SMARCA5: variants seen among roughly 807,000 people sequenced by gnomAD.
SMARCA5 encodes the protein SNF2 related chromatin remodeling ATPase 5, also known as SWI/SNF-related matrix-associated actin-dependent regulator of chromatin subfamily A member 5.
In SMARCA5, 18 loss-of-function variants were observed where a neutral mutation model predicts 140.4. The observed-to-expected ratio is 0.13, with a 90% confidence interval of 0.09 to 0.19. SMARCA5 has a LOEUF of 0.19. Among genes scored for constraint, SMARCA5 ranks in the 10% least tolerant of loss-of-function variants. SMARCA5 has a pLI of 1.00. For synonymous variants in SMARCA5, 449 were observed against 419.6 expected, an observed-to-expected ratio of 1.07 and a Z score of -0.86; for missense variants, 606 against 1,276.8, an observed-to-expected ratio of 0.47 and a Z score of 8.01.
chr4:143,549,461 A>G (rs1327109172), intron 22 of SMARCA5, among the ~76,000 whole-genome samples: 1 of 152,040 alleles, frequency 6.6e-6, no homozygotes, highest in Non-Finnish European at 1.5e-5. Flanking sequence ...TGGAGGCTGT[A>G]TGTCCAGTTT....
At chr4:143,526,531 G>A in intron 6 of SMARCA5, 71 bp downstream of exon 6, 1 of 938,582 alleles carries the variant, frequency 1.1e-6, no homozygotes, top group Non-Finnish European at 1.7e-6. Context: ...TATGGGTATA[G>A]CTGGAAGAAG....
chr4:143,536,377 G>A (rs1737305473), intron 10 of SMARCA5, 75 bp from the exon 11 acceptor site: 1 of 966,488 alleles, frequency 1.0e-6, no homozygotes, highest in East Asian at 2.5e-5. Flanking sequence ...GTGGGGAAGG[G>A]GATTAAGTAT....
intron 13 of SMARCA5, among the ~76,000 whole-genome samples, chr4:143,539,711 T>C (rs919328893): frequency 4.6e-5 from 7 of 152,108 alleles, no homozygotes; most frequent in South Asian, 4.2e-4. Context: ...TAATTTTGTA[T>C]TTTTAGTAGA....
At chr4:143,539,243 GTCTCTCCACCCCCTTGAT>G (rs1737378250) in intron 13 of SMARCA5, among the ~76,000 whole-genome samples, 1 of 152,112 alleles carries the variant, frequency 6.6e-6, no homozygotes, top group Non-Finnish European at 1.5e-5. Flanking sequence ...GAGCCTCCTT[GTCTCTCCACCCCCTTGAT>G]CAAAGAATTA....
chr4:143,547,204 T>G (rs1003876590), intron 20 of SMARCA5, among the ~76,000 whole-genome samples, 181 bp from the exon 21 acceptor site: 1 of 152,160 alleles, frequency 6.6e-6, no homozygotes, highest in Non-Finnish European at 1.5e-5. Flanking sequence ...AAGTATTATG[T>G]GTTGTGTTTC....
At position 143,553,285 on chromosome 4, in the gene SMARCA5, A is replaced by G; in HGVS notation, c.*101A>G. 1 of 812,140 alleles carries G rather than the reference A, an allele frequency of 1.2e-6. No individual in the cohort carries two copies. Among genetic ancestry groups the G allele is most frequent in the Admixed American group, 2.0e-5 (1 of 50,984 alleles). 50.3% of individuals were successfully genotyped at this position (812,140 alleles called of 1,614,324 possible). ...ACAATGCTCAATTGTTATGTCATTT[A>G]AAGACATCAGGTTCATCTGTTTACT... On this transcript the variant is annotated 3_prime_UTR_variant, in exon 24 of 24. Transcript: ENST00000283131.
Position 143,556,525 on chromosome 4 carries a change from A to C in SMARCA5, c.*3341A>C, listed in dbSNP as rs968165130. ...AAGGAGGGTAATTTAAACAAAGTAG[A>C]TTAATGACACAAGGTGGATTGATGA... On this transcript the variant is annotated 3_prime_UTR_variant, in exon 24 of 24. Coordinates refer to ENST00000283131, the MANE Select transcript of SMARCA5 (RefSeq NM_003601.4). 1 of 152,234 alleles carries C rather than the reference A, an allele frequency of 6.6e-6. No homozygotes were observed. Among genetic ancestry groups the C allele is most frequent in the Non-Finnish European group, 1.5e-5 (1 of 68,042 alleles). 9.4% of individuals were successfully genotyped at this position (152,234 alleles called of 1,614,324 possible). A position where few individuals can be genotyped will look rare whatever the true frequency, so the allele number is the denominator to read the frequency against.
chr4:143,552,995 G>T, intron 23 of SMARCA5, 124 bp from the exon 24 acceptor site: 1 of 662,250 alleles, frequency 1.5e-6, no homozygotes, highest in African/African-American at 1.8e-5. Context: ...ATATAGCCTG[G>T]GGGAAAAGTC....
At chr4:143,538,334 C>G (rs1446413932) in intron 11 of SMARCA5, among the ~76,000 whole-genome samples, 1 of 152,004 alleles carries the variant, frequency 6.6e-6, no homozygotes, top group Non-Finnish European at 1.5e-5. Flanking sequence ...ATTATCTTAC[C>G]CTTTGGGATG....
In SMARCA5 at chr4:143,535,064, G is replaced by T. The variant is rs1272860795; in HGVS notation, c.1268+100G>T. On this transcript the variant is annotated intron_variant, in intron 10 of 23. Coordinates refer to ENST00000283131, the MANE Select transcript of SMARCA5 (RefSeq NM_003601.4). ...TTGTGTCTTCATGGAATTCCAATTT[G>T]CTGGATTGAACTCAACCTGAAAAGA... is the stretch of plus-strand genomic sequence containing the variant. 5.0e-6 allele frequency: 4 copies of T among 801,472 alleles called. No homozygotes were observed. In the African/African-American group the frequency reaches 5.3e-5, roughly 11 times the overall value. The allele number at this position is 801,472 out of a possible 1,614,324, so 49.6% of individuals were successfully genotyped here. A position where few individuals can be genotyped will look rare whatever the true frequency, so the allele number is the denominator to read the frequency against.
chr4:143,542,044 G>C lies in SMARCA5; in HGVS notation c.1904-1465G>C, dbSNP rs540874090. Among the ~76,000 whole-genome samples, 476 of 152,080 alleles carry C rather than the reference G, an allele frequency of 3.1e-3. 2 individuals carry two copies. The highest frequency in any genetic ancestry group is 0.011 in the African/African-American group (449 of 41,488). Reference sequence around the variant, plus strand: ...GGCTAATTTTTTTGTATTTTTAGTAGAGACAGGGTTTCACTTTGTTGGCCA... The same window carrying C: ...GGCTAATTTTTTTGTATTTTTAGTACAGACAGGGTTTCACTTTGTTGGCCA... On this transcript the variant is annotated intron_variant, in intron 14 of 23. Transcript: ENST00000283131.
At chr4:143,544,673 TTGA>T (rs1737487848) in intron 16 of SMARCA5, 61 bp from the exon 17 acceptor site, 5 of 893,732 alleles carry the variant, frequency 5.6e-6, no homozygotes, top group Non-Finnish European at 9.2e-6. Context: ...AACATCCTTC[TTGA>T]TGATGATTTG....
rs983117227 is a variant in SMARCA5 at position 143,540,638 on chromosome 4, A to G, written c.1903+143A>G. On this transcript the variant is annotated intron_variant, in intron 14 of 23. Transcript: ENST00000283131. Reference sequence around the variant, plus strand: ...TAGAGATGACTTGTATTGCAAATACAGTAAACTTTAGTTTTGTCATTAAAA... The same window carrying G: ...TAGAGATGACTTGTATTGCAAATACGGTAAACTTTAGTTTTGTCATTAAAA... 5.6e-6 allele frequency: 4 copies of G among 716,570 alleles called. No individual in the cohort carries two copies. In the Admixed American group the frequency reaches 1.1e-4, roughly 20 times the overall value. The allele number at this position is 716,570 out of a possible 1,614,324, so 44.4% of individuals were successfully genotyped here.
intron 14 of SMARCA5, among the ~76,000 whole-genome samples, chr4:143,540,736 T>C (rs557182032): frequency 1.3e-5 from 2 of 152,334 alleles, no homozygotes; most frequent in South Asian, 4.1e-4. Context: ...TCTGGTTACA[T>C]GAACCCATTT....
chr4:143,525,524 C>T lies in SMARCA5; in HGVS notation c.594C>T (p.Gly198=). The T allele has an allele frequency of 6.2e-7, 1 of 1,611,630 alleles. No homozygotes were observed. Among genetic ancestry groups the T allele is most frequent in the Non-Finnish European group, 8.5e-7 (1 of 1,177,786 alleles). Residue 198 remains glycine (G), a synonymous_variant, in exon 5 of 24, where the codon GGC becomes GGT. Transcript: ENST00000283131. ...GGCTCATTTCTTTGTATGAGAATGGCATCAATGGTATCCTTGCAGATGAAA... is the reference window on the plus strand; with the variant it reads ...GGCTCATTTCTTTGTATGAGAATGGTATCAATGGTATCCTTGCAGATGAAA... ...LNWLISLYEN[G]INGILADEMG...
intron 23 of SMARCA5, among the ~76,000 whole-genome samples, chr4:143,552,152 C>T (rs751013687): frequency 2.0e-5 from 3 of 151,866 alleles, no homozygotes; most frequent in African/African-American, 4.8e-5. Context: ...TTTTATTTCA[C>T]GTGTAATTAC....
Position 143,543,673 on chromosome 4 carries a change from A to G in SMARCA5, c.2052+16A>G. ...TGCAAAGAAGGTGAGATGTAGATTA[A>G]ATAATGCTTTTAATATAGAATGTTT... On this transcript the variant is annotated intron_variant, in intron 15 of 23. Transcript: ENST00000283131. 6.2e-7 allele frequency: 1 copy of G among 1,600,366 alleles called. No individual in the cohort carries two copies. The highest frequency in any genetic ancestry group is 8.5e-7 in the Non-Finnish European group (1 of 1,169,794).
intron 1 of SMARCA5, 59 bp downstream of exon 1, chr4:143,514,160 C>A (rs1445399913): frequency 3.5e-6 from 5 of 1,423,382 alleles, no homozygotes; most frequent in African/African-American, 1.5e-5. Flanking sequence ...CTGGCTCCCT[C>A]GCCGGATCGT....
Position 143,527,987 on chromosome 4 carries a change from A to C in SMARCA5, c.921A>C (p.Ile307=). ...AATTTAATTGGAGATACTTAGTAAT[A>C]GATGAAGCTCACAGGATCAAAAATG... ...FKKFNWRYLV[I]DEAHRIKNEK... Residue 307 remains isoleucine, a synonymous_variant, in exon 7 of 24, where the codon ATA becomes ATC. Coordinates refer to ENST00000283131, the MANE Select transcript of SMARCA5 (RefSeq NM_003601.4). 6.3e-7 allele frequency: 1 copy of C among 1,586,244 alleles called. No homozygotes were observed. The highest frequency in any genetic ancestry group is 8.5e-7 in the Non-Finnish European group (1 of 1,171,636).
Sources: gnomAD v4.1 joint callset for allele counts (sites outside exome capture counted in the v4.1 genomes callset) on GRCh38, gnomAD v4.1.1 for gene constraint, MANE v1.5 for transcripts, NCBI Gene and HGNC (gene_info 2026-07-23, HGNC 2026-07-21) for gene names.